The following PLEKHG1 variants were observed in gnomAD, a reference collection of about 807,000 sequenced individuals.
PLEKHG1 encodes the protein pleckstrin homology and RhoGEF domain containing G1.
In PLEKHG1, 44 loss-of-function variants were observed where a neutral mutation model predicts 100.8. That is an observed-to-expected ratio of 0.44 (90% CI 0.34 to 0.56). PLEKHG1 has a LOEUF of 0.56. Among genes scored for constraint, PLEKHG1 ranks in the 20% least tolerant of loss-of-function variants. PLEKHG1 has a pLI of 0.01. For synonymous variants in PLEKHG1, 640 were observed against 662.5 expected, an observed-to-expected ratio of 0.97 and a Z score of 0.52; for missense variants, 1,545 against 1,720.9, an observed-to-expected ratio of 0.90 and a Z score of 1.81.
intron 3 of PLEKHG1, among the ~76,000 whole-genome samples, chr6:150,696,543 G>T (rs1780551545): frequency 2.0e-5 from 3 of 152,222 alleles, no homozygotes; most frequent in African/African-American, 7.2e-5. Flanking sequence ...CTGGTGGTCT[G>T]TTCTTCTTCA....
At chr6:150,824,487 T>G (rs1452751234) in intron 14 of PLEKHG1, among the ~76,000 whole-genome samples, 1 of 152,088 alleles carries the variant, frequency 6.6e-6, no homozygotes, top group African/African-American at 2.4e-5. Context: ...ATCTTTCCAT[T>G]AAAACCAAGA....
intron 10 of PLEKHG1, among the ~76,000 whole-genome samples, chr6:150,811,688 G>A (rs1787542983): frequency 6.6e-6 from 1 of 152,094 alleles, no homozygotes; most frequent in Non-Finnish European, 1.5e-5. Flanking sequence ...CGCACAGACG[G>A]TGCCAGGATG....
intron 3 of PLEKHG1, among the ~76,000 whole-genome samples, chr6:150,681,940 G>A (rs1779950061): frequency 1.3e-5 from 2 of 152,198 alleles, no homozygotes; most frequent in Non-Finnish European, 2.9e-5. Context: ...TCTGCAGTGT[G>A]CACAGAGCAT....
intron 3 of PLEKHG1, among the ~76,000 whole-genome samples, chr6:150,784,965 C>T (rs1014946928): frequency 2.0e-5 from 3 of 151,250 alleles, no homozygotes; most frequent in South Asian, 4.2e-4. Context: ...CTACCCAGCG[C>T]TTCAGAAAGA....
intron 2 of PLEKHG1, among the ~76,000 whole-genome samples, chr6:150,767,762 G>T (rs970072737): frequency 1.3e-5 from 2 of 152,142 alleles, no homozygotes; most frequent in African/African-American, 4.8e-5. Context: ...GCTGCAGATC[G>T]CCATGTTACG....
intron 3 of PLEKHG1, among the ~76,000 whole-genome samples, chr6:150,702,597 T>C (rs960754825): frequency 2.0e-5 from 3 of 151,340 alleles, no homozygotes; most frequent in Non-Finnish European, 4.4e-5. Context: ...TGTGTACTTA[T>C]ATATATGTCA....
At chr6:150,697,015 T>A (rs9322277) in intron 3 of PLEKHG1, among the ~76,000 whole-genome samples, 136,823 of 151,632 alleles carry the variant, frequency 0.9, 61,918 homozygotes, top group Non-Finnish European at 0.94. Flanking sequence ...GAGAATTGCC[T>A]GAACCTGGGA....
intron 13 of PLEKHG1, among the ~76,000 whole-genome samples, chr6:150,822,745 C>G (rs1776376217): frequency 6.6e-6 from 1 of 152,128 alleles, no homozygotes; most frequent in Admixed American, 6.6e-5. Flanking sequence ...TTTGGGAGGC[C>G]GAGGAGGGTG....
At chr6:150,828,345 T>C in intron 14 of PLEKHG1, 1 of 1,610,788 alleles carries the variant, frequency 6.2e-7, no homozygotes, top group South Asian at 1.1e-5. Flanking sequence ...TGCGGCGCTC[T>C]GTCCTCATGA....
chr6:150,768,767 A>C, intron 3 of PLEKHG1, 29 bp downstream of exon 4: 3 of 1,242,844 alleles, frequency 2.4e-6, no homozygotes, highest in Non-Finnish European at 3.6e-6. Flanking sequence ...GATTGTTCTC[A>C]CATACGAGCA....
intron 3 of PLEKHG1, among the ~76,000 whole-genome samples, chr6:150,712,457 T>C (rs1781275059): frequency 6.6e-6 from 1 of 152,204 alleles, no homozygotes; most frequent in Non-Finnish European, 1.5e-5. Flanking sequence ...TTAAAGAAAA[T>C]GTAGAGATCA....
intron 14 of PLEKHG1, 80 bp from the exon 16 acceptor site, chr6:150,830,502 G>C: frequency 9.6e-7 from 1 of 1,040,422 alleles, no homozygotes; most frequent in East Asian, 2.4e-5. Context: ...GAGGCAGTGT[G>C]TAAACACAGG....
intron 6 of PLEKHG1, among the ~76,000 whole-genome samples, chr6:150,803,875 G>C (rs192087824): frequency 6.6e-6 from 1 of 152,016 alleles, no homozygotes; most frequent in African/African-American, 2.4e-5. Flanking sequence ...TATCTTGTGA[G>C]AGTGAGAACT....
intron 3 of PLEKHG1, among the ~76,000 whole-genome samples, chr6:150,709,986 C>T (rs1297236493): frequency 2.0e-5 from 3 of 151,958 alleles, no homozygotes; most frequent in Non-Finnish European, 4.4e-5. Flanking sequence ...TGGGGTCTCA[C>T]TCTGTTGCCC....
In PLEKHG1 at chr6:150,683,888, A is replaced by G; in HGVS notation, c.-99+33102A>G. 1 of 1,160,046 alleles carries G rather than the reference A, an allele frequency of 8.6e-7. No individual in the cohort carries two copies. The highest frequency in any genetic ancestry group is 1.1e-6 in the Non-Finnish European group (1 of 883,460). The allele number at this position is 1,160,046 out of a possible 1,614,324, so 71.9% of individuals were successfully genotyped here. On this transcript the variant is annotated intron_variant, in intron 3 of 3. Coordinates refer to the PLEKHG1 transcript ENST00000367326. The surrounding 1 kb of genome is among the most constrained non-coding windows in gnomAD (Gnocchi z 4.0). ...TGAAGGGGCCTGGGATGGAGGTAAG[A>G]TGGAGCGATCCTATGGTTTGGCACC...
At chr6:150,823,428 A>G (rs1776416506) in intron 13 of PLEKHG1, among the ~76,000 whole-genome samples, 1 of 152,196 alleles carries the variant, frequency 6.6e-6, no homozygotes, top group Admixed American at 6.5e-5. Flanking sequence ...GGGATTAAGG[A>G]AGACAACTAG....
At position 150,831,948 on chromosome 6, in the gene PLEKHG1, C is replaced by T; in HGVS notation, c.2837C>T (p.Pro946Leu). ...AGTGAAATGCCCCTCATGGACAATC[C>T]CTACGACCTGGCCAACAGTGGCCTG... The change falls in exon 15 of 16, where the codon CCC becomes CTC. Residue 946 changes from proline to leucine, a missense_variant. By Grantham distance (98) the Pro-to-Leu change is moderately conservative. Transcript: ENST00000358517. This position sits in a 1 kb window ranked among gnomAD's most constrained non-coding sequence, Gnocchi z 4.1. 1 of 1,613,754 alleles carries T rather than the reference C, an allele frequency of 6.2e-7. No individual in the cohort carries two copies. Among genetic ancestry groups the T allele is most frequent in the Non-Finnish European group, 8.5e-7 (1 of 1,179,678 alleles).
intron 3 of PLEKHG1, among the ~76,000 whole-genome samples, chr6:150,675,608 T>A (rs944748877): frequency 6.6e-6 from 1 of 152,206 alleles, no homozygotes; most frequent in African/African-American, 2.4e-5. Context: ...TGAGACGGAG[T>A]CTCCCTCTGT....
At chr6:150,667,506 A>G (rs1779443704) in intron 3 of PLEKHG1, among the ~76,000 whole-genome samples, 1 of 152,220 alleles carries the variant, frequency 6.6e-6, no homozygotes, top group South Asian at 2.1e-4. Context: ...TTAGGATCAT[A>G]AGGTATCTTG....
Sources: allele counts gnomAD v4.1 joint callset (sites outside exome capture counted in the v4.1 genomes callset), GRCh38; gene constraint gnomAD v4.1.1; non-coding constraint Gnocchi (gnomAD v3.1); transcripts MANE v1.5; gene names NCBI Gene and HGNC (gene_info 2026-07-23, HGNC 2026-07-21).